Variants in GRM1 observed in about 807,000 individuals in gnomAD.
GRM1 encodes the protein metabotropic glutamate receptor 1.
Under a neutral mutation model 90.9 loss-of-function variants are expected in GRM1, and 33 were observed. The observed-to-expected ratio is 0.36, with a 90% CI of 0.28 to 0.49. The LOEUF is 0.49. GRM1 is among the 20% of genes least tolerant of loss of function. GRM1 has a pLI of 0.99. For synonymous variants in GRM1, 700 were observed against 613.2 expected (o/e 1.14, Z -2.09); for missense variants, 1,190 against 1,534.3 (o/e 0.78, Z 3.75).
At chr6:146,090,750 A>C (rs907442635) in intron 1 of GRM1, among the ~76,000 whole-genome samples, 3 of 152,076 alleles carry the variant, frequency 2.0e-5, no homozygotes, top group African/African-American at 7.2e-5. Flanking sequence ...ATGAAGTCCA[A>C]ACCCAGGTGG....
chr6:146,146,204 T>A (rs113643617), intron 1 of GRM1, among the ~76,000 whole-genome samples: 1,428 of 132,014 alleles, frequency 0.011, 21 homozygotes, highest in African/African-American at 0.039. Flanking sequence ...TTCTCCTGCC[T>A]CAGCCTCCCT....
At chr6:146,311,544 T>G (rs1356087825) in intron 3 of GRM1, among the ~76,000 whole-genome samples, 2 of 152,302 alleles carry the variant, frequency 1.3e-5, no homozygotes, top group African/African-American at 4.8e-5. Context: ...CACTTTTGAT[T>G]GGCACTGCCA....
chr6:146,375,185 G>T (rs1448806210), intron 5 of GRM1, among the ~76,000 whole-genome samples: 1 of 151,956 alleles, frequency 6.6e-6, no homozygotes, highest in African/African-American at 2.4e-5. Flanking sequence ...GTAGTGTCCA[G>T]AATTCCTCTT....
rs560840342 is a variant in GRM1, at chr6:146,276,036, T to C, written c.951-28575T>C. Among the ~76,000 whole-genome samples the C allele has an allele frequency of 2.6e-5, 4 of 152,216 alleles. No homozygotes were observed. In the East Asian group the frequency reaches 7.7e-4, roughly 29 times the overall value. ...AGAGCACAAAGGGTAAAATCATTAATGTTATATCAAGCAATTTAAAAGTAT... is the reference window on the plus strand; with the variant it reads ...AGAGCACAAAGGGTAAAATCATTAACGTTATATCAAGCAATTTAAAAGTAT... On this transcript the variant is annotated intron_variant, in intron 2 of 7. Coordinates refer to ENST00000282753, the MANE Select transcript of GRM1 (RefSeq NM_001278064.2).
At chr6:146,037,827 T>C (rs887809562) in intron 1 of GRM1, among the ~76,000 whole-genome samples, 1 of 152,002 alleles carries the variant, frequency 6.6e-6, no homozygotes, top group Non-Finnish European at 1.5e-5. Flanking sequence ...TTTTTAAACA[T>C]GAGAAAGTCA....
intron 7 of GRM1, among the ~76,000 whole-genome samples, chr6:146,431,471 A>G (rs1778403880): frequency 6.6e-6 from 1 of 152,202 alleles, no homozygotes; most frequent in African/African-American, 2.4e-5. Flanking sequence ...TAGGGCTTTC[A>G]GGAAACAAGG....
intron 1 of GRM1, among the ~76,000 whole-genome samples, chr6:146,158,064 A>G (rs567697460): frequency 3.3e-5 from 5 of 152,292 alleles, no homozygotes; most frequent in African/African-American, 9.6e-5. Flanking sequence ...TCCTTGTGCT[A>G]TTGAATATCA....
intron 1 of GRM1, among the ~76,000 whole-genome samples, chr6:146,121,203 A>G (rs894758246): frequency 2.0e-5 from 3 of 152,064 alleles, no homozygotes; most frequent in East Asian, 3.9e-4. Context: ...AGTTTCTTCT[A>G]TGTTTTCTAG....
chr6:146,053,880 G>T (rs1313342293), intron 1 of GRM1, among the ~76,000 whole-genome samples: 3 of 151,960 alleles, frequency 2.0e-5, no homozygotes, highest in Non-Finnish European at 4.4e-5. Context: ...AGATAAGGAG[G>T]TTCCATATAA....
chr6:146,093,359 A>G (rs1281062340), intron 1 of GRM1, among the ~76,000 whole-genome samples: 4 of 152,052 alleles, frequency 2.6e-5, no homozygotes, highest in East Asian at 3.9e-4. Context: ...TTGGCTGTGC[A>G]TGCAGTTAAT....
At chr6:146,150,571 T>G (rs1777285960) in intron 1 of GRM1, among the ~76,000 whole-genome samples, 1 of 152,178 alleles carries the variant, frequency 6.6e-6, no homozygotes, top group African/African-American at 2.4e-5. Context: ...AAGATTCCAA[T>G]TTTACTCTTC....
At chr6:146,050,203 C>A (rs1477698825) in intron 1 of GRM1, among the ~76,000 whole-genome samples, 5 of 152,052 alleles carry the variant, frequency 3.3e-5, no homozygotes, top group African/African-American at 7.2e-5. Context: ...TCTTGTCAAC[C>A]AGAAGGACAT....
chr6:146,145,345 T>C (rs558589681), intron 1 of GRM1, among the ~76,000 whole-genome samples: 4 of 152,288 alleles, frequency 2.6e-5, no homozygotes, highest in South Asian at 4.1e-4. Flanking sequence ...AGATATCTTT[T>C]AGGCTGTCCC....
intron 6 of GRM1, among the ~76,000 whole-genome samples, chr6:146,398,106 A>G (rs1777031643): frequency 6.6e-6 from 1 of 152,208 alleles, no homozygotes; most frequent in Non-Finnish European, 1.5e-5. Flanking sequence ...GAGATGGGTT[A>G]GGGGAGATTT....
At chr6:146,343,892 A>T (rs1785075371) in intron 3 of GRM1, among the ~76,000 whole-genome samples, 2 of 151,996 alleles carry the variant, frequency 1.3e-5, no homozygotes, top group African/African-American at 4.8e-5. Flanking sequence ...AAAAGTCCTG[A>T]TCCCTTTTAT....
chr6:146,080,562 T>C (rs1219158873), intron 1 of GRM1, among the ~76,000 whole-genome samples: 3 of 151,950 alleles, frequency 2.0e-5, no homozygotes, highest in African/African-American at 7.3e-5. Context: ...ATGTTGAGGG[T>C]TCCTAAGCAA....
intron 2 of GRM1, among the ~76,000 whole-genome samples, chr6:146,163,548 G>T (rs912745868): frequency 1.3e-5 from 2 of 152,182 alleles, no homozygotes; most frequent in African/African-American, 4.8e-5. Context: ...CCAGTGCTGG[G>T]ATTTGAAGTT....
chr6:146,400,380 T>C (rs376478279), intron 7 of GRM1, among the ~76,000 whole-genome samples: 1 of 152,132 alleles, frequency 6.6e-6, no homozygotes, highest in Non-Finnish European at 1.5e-5. Flanking sequence ...TCAGAATAGT[T>C]TCTTAGTCAT....
At chr6:146,204,031 A>G (rs1056684546) in intron 2 of GRM1, among the ~76,000 whole-genome samples, 34 of 152,216 alleles carry the variant, frequency 2.2e-4, no homozygotes, top group Non-Finnish European at 3.7e-4. Flanking sequence ...TTATTTTTGA[A>G]TATAATGTTC....
Sources: allele counts gnomAD v4.1 joint callset (sites outside exome capture counted in the v4.1 genomes callset), GRCh38; gene constraint gnomAD v4.1.1; transcripts MANE v1.5; gene names NCBI Gene and HGNC (gene_info 2026-07-23, HGNC 2026-07-21).